ANKFY1: variants seen among roughly 807,000 people sequenced by gnomAD.
The protein encoded by ANKFY1 is ankyrin repeat and FYVE domain-containing protein 1.
Under a neutral mutation model 128.3 loss-of-function variants are expected in ANKFY1, and 47 were observed. The observed-to-expected ratio is 0.37, with a 90% CI of 0.29 to 0.47. The LOEUF (loss-of-function observed/expected upper bound fraction) is 0.47, where lower values mean the gene tolerates loss of function less well. ANKFY1 is among the 20% of genes least tolerant of loss of function. ANKFY1 has a pLI of 1.00. For missense variants in ANKFY1, 1,222 were observed against 1,510.6 expected (o/e 0.81, Z 3.17); for synonymous variants, 553 against 601.6 (o/e 0.92, Z 1.18).
intron 17 of ANKFY1, chr17:4,179,393 C>A: frequency 1.9e-6 from 1 of 514,262 alleles, no homozygotes; most frequent in Middle Eastern, 5.2e-4. Flanking sequence ...CATCAAAGGG[C>A]GTAACTCAGG....
At chr17:4,177,580 G>A (rs2059431652) in intron 18 of ANKFY1, among the ~76,000 whole-genome samples, 1 of 152,152 alleles carries the variant, frequency 6.6e-6, no homozygotes, top group East Asian at 1.9e-4. Context: ...AACTGGATGT[G>A]GAAAACCAAG....
intron 1 of ANKFY1, among the ~76,000 whole-genome samples, chr17:4,261,784 G>A (rs1163954725): frequency 5.3e-5 from 8 of 152,138 alleles, no homozygotes; most frequent in African/African-American, 1.9e-4. Context: ...CCAAAACACC[G>A]AACTTACCTT....
At chr17:4,242,897 C>T (rs1243747681) in intron 1 of ANKFY1, among the ~76,000 whole-genome samples, 3 of 152,184 alleles carry the variant, frequency 2.0e-5, no homozygotes, top group Non-Finnish European at 4.4e-5. Context: ...ACTTGCCCCA[C>T]AAAATCCTTC....
chr17:4,236,231 A>G (rs749098286), intron 2 of ANKFY1, among the ~76,000 whole-genome samples: 3 of 152,250 alleles, frequency 2.0e-5, no homozygotes, highest in Non-Finnish European at 4.4e-5. Context: ...TATATAGACT[A>G]AAACAAGCTA....
At chr17:4,259,436 C>G (rs1290509965) in intron 1 of ANKFY1, among the ~76,000 whole-genome samples, 1 of 152,190 alleles carries the variant, frequency 6.6e-6, no homozygotes, top group Non-Finnish European at 1.5e-5. Context: ...CACATGCCAC[C>G]ATGCCTGGCT....
chr17:4,202,559 T>C (rs1465875116), intron 7 of ANKFY1, among the ~76,000 whole-genome samples: 1 of 149,026 alleles, frequency 6.7e-6, no homozygotes, highest in African/African-American at 2.5e-5. Flanking sequence ...TAGCCGGGCA[T>C]GGTGGCGCGC....
chr17:4,255,016 A>C (rs1046917115), intron 1 of ANKFY1, among the ~76,000 whole-genome samples: 3 of 152,128 alleles, frequency 2.0e-5, no homozygotes, highest in African/African-American at 7.2e-5. Context: ...TTTCAGCTCC[A>C]GTATCAGAAC....
In ANKFY1 at chr17:4,169,425, G is replaced by C. The variant is rs2059274132; in HGVS notation, c.3287-137C>G. 1 of 637,008 alleles carries C rather than the reference G, an allele frequency of 1.6e-6. No individual in the cohort carries two copies. Among genetic ancestry groups the C allele is most frequent in the Admixed American group, 2.6e-5 (1 of 38,716 alleles). The allele number at this position is 637,008 out of a possible 1,614,324, so 39.5% of individuals were successfully genotyped here. On this transcript the variant is annotated intron_variant, in intron 23 of 24. Transcript: ENST00000341657. This position sits in a 1 kb window ranked among gnomAD's most constrained non-coding sequence, Gnocchi z 5.0. Reference sequence around the variant, plus strand: ...TGACATAGGTGACGAAGGAGCGATAGGTTCTAAGTGGTTCAGGGCCAGCTT... The same window carrying C: ...TGACATAGGTGACGAAGGAGCGATACGTTCTAAGTGGTTCAGGGCCAGCTT...
intron 5 of ANKFY1, 110 bp from the exon 6 acceptor site, chr17:4,208,192 A>AC: frequency 1.0e-6 from 1 of 998,222 alleles, no homozygotes; most frequent in Non-Finnish European, 1.4e-6. Flanking sequence ...TAAGGGCTTA[A>AC]CCTTTCCCAA....
At chr17:4,215,141 T>A (rs2060199126) in intron 4 of ANKFY1, among the ~76,000 whole-genome samples, 1 of 151,870 alleles carries the variant, frequency 6.6e-6, no homozygotes, top group Admixed American at 6.6e-5. Context: ...ATACAAAAAT[T>A]AGCTGGGCGT....
chr17:4,175,799 G>A (rs774270313), intron 19 of ANKFY1, among the ~76,000 whole-genome samples: 21 of 152,190 alleles, frequency 1.4e-4, no homozygotes, highest in Non-Finnish European at 2.6e-4. Flanking sequence ...TAACTGGGAG[G>A]AGAGAGTGGG....
chr17:4,249,339 A>AT (rs1429534051), intron 1 of ANKFY1, among the ~76,000 whole-genome samples: 3 of 152,254 alleles, frequency 2.0e-5, no homozygotes, highest in African/African-American at 7.2e-5. Flanking sequence ...GGAATTTCAT[A>AT]TAATTTTCAC....
At chr17:4,204,346 T>TAA (rs1287785743) in intron 7 of ANKFY1, among the ~76,000 whole-genome samples, 1 of 152,202 alleles carries the variant, frequency 6.6e-6, no homozygotes, top group African/African-American at 2.4e-5. Flanking sequence ...ACTTTATGGA[T>TAA]AAGGAAGACG....
intron 19 of ANKFY1, among the ~76,000 whole-genome samples, chr17:4,176,142 C>T (rs1021934949): frequency 6.6e-6 from 1 of 152,234 alleles, no homozygotes. Flanking sequence ...CCACGGCCTC[C>T]GCTCGGTCTC....
intron 8 of ANKFY1, among the ~76,000 whole-genome samples, chr17:4,195,763 A>G (rs2059807021): frequency 6.6e-6 from 1 of 152,170 alleles, no homozygotes; most frequent in Admixed American, 6.5e-5. Flanking sequence ...TCTTGAGAAC[A>G]GCAGTTTCTG....
At chr17:4,228,196 T>G (rs931026064) in intron 3 of ANKFY1, among the ~76,000 whole-genome samples, 3 of 151,746 alleles carry the variant, frequency 2.0e-5, no homozygotes, top group African/African-American at 7.3e-5. Flanking sequence ...CATACTAAGG[T>G]GTGGGGTGAA....
intron 1 of ANKFY1, among the ~76,000 whole-genome samples, chr17:4,250,717 G>A (rs773842265): frequency 6.6e-6 from 1 of 151,970 alleles, no homozygotes; most frequent in Admixed American, 6.6e-5. Context: ...ACCCAGGCTG[G>A]GGTGCAGTGT....
chr17:4,179,200 G>A (rs995605754), intron 17 of ANKFY1, 143 bp from the exon 18 acceptor site: 2 of 882,640 alleles, frequency 2.3e-6, no homozygotes, highest in Non-Finnish European at 3.5e-6. Context: ...CTTTTGAAGA[G>A]GCCAAAGAGA....
At chr17:4,252,855 T>C (rs191757763) in intron 1 of ANKFY1, among the ~76,000 whole-genome samples, 10 of 152,190 alleles carry the variant, frequency 6.6e-5, no homozygotes, top group Middle Eastern at 3.4e-3. Flanking sequence ...CACTCAGCAA[T>C]AAAACAGAAG....
Sources: gnomAD v4.1 joint callset for allele counts (sites outside exome capture counted in the v4.1 genomes callset) on GRCh38, gnomAD v4.1.1 for gene constraint, Gnocchi (gnomAD v3.1) non-coding constraint, MANE v1.5 for transcripts, NCBI Gene and HGNC (gene_info 2026-07-23, HGNC 2026-07-21) for gene names.